Variants in VAMP3 observed in about 807,000 individuals in gnomAD.
The protein encoded by VAMP3 is vesicle-associated membrane protein 3.
VAMP3 carries 11 observed loss-of-function variants against 18.1 expected under a neutral mutation model. The observed-to-expected ratio is 0.61, with a 90% CI of 0.38 to 1.00. VAMP3 has a LOEUF of 1.00. Among genes scored for constraint, VAMP3 ranks in the 50% least tolerant of loss-of-function variants. The pLI, the probability that VAMP3 is intolerant of heterozygous loss-of-function variation, is 0.01. For missense variants in VAMP3, 122 were observed against 127.3 expected, an observed-to-expected ratio of 0.96 and a Z score of 0.20; for synonymous variants, 49 against 43.1, an observed-to-expected ratio of 1.14 and a Z score of -0.53.
In VAMP3 at chr1:7,771,351, CTCG is replaced by C. The variant is rs770671231; in HGVS notation, c.-29_-27del. 7.7e-5 allele frequency: 122 copies of C among 1,592,962 alleles called. 2 individuals carry two copies. In the Admixed American group the frequency reaches 2.1e-3, roughly 27 times the overall value. On this transcript the variant is annotated 5_prime_UTR_variant, in exon 1 of 5. Coordinates refer to ENST00000054666, the MANE Select transcript of VAMP3 (RefSeq NM_004781.4). ...AACTTCGCTTCTCTGCTGACCCTCT[CTCG>C]TCGCCGCTGCCGCCGCCGCAGCTGC... is the stretch of plus-strand genomic sequence containing the variant.
Position 7,771,311 on chromosome 1 carries a change from C to G in VAMP3, c.-73C>G. The G allele has an allele frequency of 1.3e-6, 2 of 1,578,068 alleles. No homozygotes were observed. Among genetic ancestry groups the G allele is most frequent in the South Asian group, 1.1e-5 (1 of 88,180 alleles). ...GCGCCGCGCCGTCCCACCCATCTCC[C>G]TGGCCTCCGGTCCCAACTTCGCTTC... On this transcript the variant is annotated 5_prime_UTR_variant, in exon 1 of 5. Transcript: ENST00000054666.
chr1:7,778,194 T>C (rs759454075), intron 4 of VAMP3, 25 bp downstream of exon 4: 5 of 1,613,370 alleles, frequency 3.1e-6, no homozygotes, highest in Admixed American at 3.3e-5. Context: ...TCTAAACTGA[T>C]TGGAAAAGTC....
chr1:7,779,552 T>C, intron 4 of VAMP3, 74 bp from the exon 5 acceptor site: 2 of 1,600,330 alleles, frequency 1.2e-6, no homozygotes, highest in Non-Finnish European at 1.7e-6. Context: ...CAGCATTGGA[T>C]GTTGGCTTGG....
chr1:7,774,294 A>G (rs1230440735), intron 2 of VAMP3, among the ~76,000 whole-genome samples: 1 of 152,234 alleles, frequency 6.6e-6, no homozygotes, highest in Non-Finnish European at 1.5e-5. Context: ...TTTCACAGTA[A>G]GAAACCCATT....
intron 4 of VAMP3, among the ~76,000 whole-genome samples, chr1:7,778,541 A>G (rs1003264515): frequency 6.6e-6 from 1 of 152,148 alleles, no homozygotes; most frequent in Non-Finnish European, 1.5e-5. Context: ...CTCAAAAAAA[A>G]AAAAGAAAGG....
At chr1:7,777,466 C>A in intron 3 of VAMP3, 148 bp downstream of exon 3, 1 of 1,025,618 alleles carries the variant, frequency 9.8e-7, no homozygotes, top group Non-Finnish European at 1.4e-6. Flanking sequence ...GAATCCGAAA[C>A]ACTGACTGCA....
rs561087372 is a variant in VAMP3, at chr1:7,779,684, C to T, written c.*39C>T. On this transcript the variant is annotated 3_prime_UTR_variant, in exon 5 of 5. Transcript: ENST00000054666. ...CTCAAAACTGCTGTTCAAGAAACCT[C>T]TTCAAGACTTTTGACTTAGAACCTG... 6.2e-7 allele frequency: 1 copy of T among 1,613,918 alleles called. No homozygotes were observed. The highest frequency in any genetic ancestry group is 8.5e-7 in the Non-Finnish European group (1 of 1,179,872).
chr1:7,779,303 C>A (rs185651139), intron 4 of VAMP3, among the ~76,000 whole-genome samples: 1 of 152,128 alleles, frequency 6.6e-6, no homozygotes, highest in African/African-American at 2.4e-5. Context: ...CAAACACACA[C>A]ACAACTATTA....
At position 7,779,019 on chromosome 1, in the gene VAMP3, C is replaced by T. The variant is rs369264746; in HGVS notation, c.284-607C>T. 3.9e-5 allele frequency among the ~76,000 whole-genome samples: 6 copies of T among 152,088 alleles called. No individual in the cohort carries two copies. The South Asian group carries it at 1.0e-3, about 26-fold the overall frequency. The stretch of plus-strand genomic sequence containing the variant: ...GACCATCCTGGCTAACACGGTGAAA[C>T]CCCGTCTCTACTAAAAATACAAAAA... On this transcript the variant is annotated intron_variant, in intron 4 of 4. Coordinates refer to ENST00000054666, the MANE Select transcript of VAMP3 (RefSeq NM_004781.4).
At chr1:7,774,604 C>G (rs2097053242) in intron 2 of VAMP3, among the ~76,000 whole-genome samples, 1 of 152,230 alleles carries the variant, frequency 6.6e-6, no homozygotes, top group African/African-American at 2.4e-5. Flanking sequence ...AATCAGCTCT[C>G]TCTTTCTGTG....
rs144243438 is a variant in VAMP3 at position 7,774,249 on chromosome 1, G to A, written c.72+738G>A. The stretch of plus-strand genomic sequence containing the variant: ...AAATAATATAGTAATGTTTTGATCT[G>A]ATGGTTTTGTTCATGAACTTATACA... On this transcript the variant is annotated intron_variant, in intron 2 of 4. Coordinates refer to ENST00000054666, the MANE Select transcript of VAMP3 (RefSeq NM_004781.4). Among the ~76,000 whole-genome samples the A allele has an allele frequency of 2.8e-4, 43 of 152,298 alleles. No individual in the cohort carries two copies. In the East Asian group the frequency reaches 8.3e-3, roughly 29 times the overall value.
intron 4 of VAMP3, among the ~76,000 whole-genome samples, chr1:7,779,357 T>C (rs779365231): frequency 3.3e-5 from 5 of 152,218 alleles, no homozygotes; most frequent in Admixed American, 1.3e-4. Flanking sequence ...TAGCCCAGTA[T>C]ATGAGAACCG....
At chr1:7,779,063 C>T (rs2097055758) in intron 4 of VAMP3, among the ~76,000 whole-genome samples, 1 of 151,956 alleles carries the variant, frequency 6.6e-6, no homozygotes, top group Non-Finnish European at 1.5e-5. Context: ...GGTGTGGTCG[C>T]GGGCGCCTGT....
At chr1:7,774,343 A>T (rs1465405388) in intron 2 of VAMP3, among the ~76,000 whole-genome samples, 1 of 119,134 alleles carries the variant, frequency 8.4e-6, no homozygotes, top group Non-Finnish European at 1.8e-5. Context: ...TTACTTACAA[A>T]ATCAAATTGG....
At chr1:7,776,833 GTC>G (rs1431063819) in intron 2 of VAMP3, 2 of 175,110 alleles carry the variant, frequency 1.1e-5, no homozygotes, top group Non-Finnish European at 2.4e-5. Context: ...TTGAGACGGA[GTC>G]TCACTCTGTC....
At position 7,771,464 on chromosome 1, in the gene VAMP3, TGCC is replaced by T. The variant is rs1332857915; in HGVS notation, c.2+84_2+86del. On this transcript the variant is annotated intron_variant, in intron 1 of 4. Transcript: ENST00000054666. ...CGCTGGGACCGCCATACTGCCCAGT[TGCC>T]GCCGGCCGCCACTCGGACGCAGGCC... 4 of 1,417,530 alleles carry T rather than the reference TGCC, an allele frequency of 2.8e-6. No homozygotes were observed. The African/African-American group carries it at 6.0e-5, about 21-fold the overall frequency. 87.8% of individuals were successfully genotyped at this position (1,417,530 alleles called of 1,614,324 possible).
chr1:7,776,377 G>T (rs2097054278), intron 2 of VAMP3: 1 of 152,196 alleles, frequency 6.6e-6, no homozygotes, highest in African/African-American at 2.4e-5. Flanking sequence ...GTTGTACCCT[G>T]CAACTTTGCT....
intron 1 of VAMP3, 134 bp from the exon 2 acceptor site, chr1:7,773,308 A>T (rs906966132): frequency 5.8e-6 from 4 of 690,950 alleles, no homozygotes; most frequent in Non-Finnish European, 9.6e-6. Flanking sequence ...TTGCTTCAGG[A>T]AGAATTTCTT....
chr1:7,779,851 C>A lies in VAMP3; in HGVS notation c.*206C>A. The A allele has an allele frequency of 1.6e-6, 1 of 620,984 alleles. No individual in the cohort carries two copies. 38.5% of individuals were successfully genotyped at this position (620,984 alleles called of 1,614,324 possible). A position where few individuals can be genotyped will look rare whatever the true frequency, so the allele number is the denominator to read the frequency against. On this transcript the variant is annotated 3_prime_UTR_variant, in exon 5 of 5. Coordinates refer to ENST00000054666, the MANE Select transcript of VAMP3 (RefSeq NM_004781.4). The stretch of plus-strand genomic sequence containing the variant: ...GCCCCGTCCACATTTTGCACAGTGC[C>A]TTTACAGATTTACGTATGGGCTGAT...
Sources: allele counts gnomAD v4.1 joint callset (sites outside exome capture counted in the v4.1 genomes callset), GRCh38; gene constraint gnomAD v4.1.1; transcripts MANE v1.5; gene names NCBI Gene and HGNC (gene_info 2026-07-23, HGNC 2026-07-21).